Variants in TOP3A observed in about 807,000 individuals in gnomAD.
TOP3A encodes DNA topoisomerase III alpha.
In TOP3A, 64 loss-of-function variants were observed where a neutral mutation model predicts 111.3. That is an observed-to-expected ratio of 0.57 (90% CI 0.47 to 0.71). The LOEUF (loss-of-function observed/expected upper bound fraction) is 0.71, where lower values mean the gene tolerates loss of function less well. Ranked by LOEUF, TOP3A falls within the 30% of genes least tolerant of loss-of-function variation. The pLI is 0.00. For missense variants in TOP3A, 1,104 were observed against 1,285.0 expected, an observed-to-expected ratio of 0.86 and a Z score of 2.15; for synonymous variants, 484 against 485.1, an observed-to-expected ratio of 1.00 and a Z score of 0.03.
chr17:18,296,677 G>A (rs993965879), intron 9 of TOP3A, among the ~76,000 whole-genome samples: 3 of 152,132 alleles, frequency 2.0e-5, no homozygotes, highest in African/African-American at 2.4e-5. Context: ...ACAAAAGAAC[G>A]CACTGACCAC....
intron 1 of TOP3A, among the ~76,000 whole-genome samples, chr17:18,311,333 G>A (rs540975294): frequency 2.0e-5 from 3 of 151,458 alleles, no homozygotes; most frequent in Non-Finnish European, 2.9e-5. Flanking sequence ...TCACTCTGTC[G>A]CCCAGGCTGT....
intron 3 of TOP3A, 189 bp from the exon 4 acceptor site, chr17:18,307,155 A>G (rs1198016753): frequency 2.1e-6 from 1 of 467,074 alleles, no homozygotes; most frequent in Non-Finnish European, 3.8e-6. Context: ...AACAGGACTG[A>G]TAAGATGGCA....
chr17:18,291,502 A>T (rs1980474468), intron 11 of TOP3A, among the ~76,000 whole-genome samples: 1 of 152,232 alleles, frequency 6.6e-6, no homozygotes, highest in African/African-American at 2.4e-5. Context: ...CATATCCAAT[A>T]ATTCCCCTTC....
chr17:18,312,159 C>T (rs959459616), intron 1 of TOP3A: 1 of 152,374 alleles, frequency 6.6e-6, no homozygotes, highest in African/African-American at 2.4e-5. Flanking sequence ...CCTCAGACTA[C>T]CAAACTTAAG....
chr17:18,283,847 A>C (rs1979921147), intron 15 of TOP3A, among the ~76,000 whole-genome samples: 1 of 152,166 alleles, frequency 6.6e-6, no homozygotes, highest in South Asian at 2.1e-4. Context: ...TTACCCGTTA[A>C]TTACAAAGGA....
intron 1 of TOP3A, among the ~76,000 whole-genome samples, chr17:18,310,202 G>A (rs1981827421): frequency 6.6e-6 from 1 of 151,914 alleles, no homozygotes; most frequent in African/African-American, 2.4e-5. Flanking sequence ...TGAGGTGGGC[G>A]GATCATGAGG....
Position 18,285,524 on chromosome 17 carries a change from G to T in TOP3A, c.1598-4C>A, listed in dbSNP as rs1410154291. On this transcript the variant is annotated splice_region_variant and splice_polypyrimidine_tract_variant and intron_variant, in intron 13 of 18. Coordinates refer to ENST00000321105, the MANE Select transcript of TOP3A (RefSeq NM_004618.5). ...TCCGCATGAGTGGCATCCGTACCTG[G>T]AAGCCACTTGCTGGTTACTCTGAGG... 1 of 1,612,940 alleles carries T rather than the reference G, an allele frequency of 6.2e-7. No individual in the cohort carries two copies. Among genetic ancestry groups the T allele is most frequent in the Non-Finnish European group, 8.5e-7 (1 of 1,179,714 alleles).
chr17:18,294,433 G>A (rs1210501092), intron 10 of TOP3A, among the ~76,000 whole-genome samples: 2 of 151,806 alleles, frequency 1.3e-5, no homozygotes, highest in South Asian at 2.1e-4. Context: ...GGGTTCAAAC[G>A]GTTCTCCTGC....
At chr17:18,298,260 C>A (rs1426030840) in intron 9 of TOP3A, among the ~76,000 whole-genome samples, 2 of 148,434 alleles carry the variant, frequency 1.3e-5, no homozygotes, top group Non-Finnish European at 3.0e-5. Flanking sequence ...GAAGCCCCTC[C>A]GCCCAGCAGC....
In TOP3A at chr17:18,301,887, C is replaced by T; in HGVS notation, c.913G>A (p.Glu305Lys). 6.2e-7 allele frequency: 1 copy of T among 1,613,740 alleles called. No homozygotes were observed. The highest frequency in any genetic ancestry group is 8.5e-7 in the Non-Finnish European group (1 of 1,179,730). Residue 305 changes from glutamate (E) to lysine (K), a missense_variant and splice_region_variant, in exon 8 of 19, where the codon GAG becomes AAG. Physicochemically the swap from Glu to Lys is moderately conservative, Grantham distance 56. Coordinates refer to ENST00000321105, the MANE Select transcript of TOP3A (RefSeq NM_004618.5). The part of the protein sequence containing the change: ...ACLVLYQLCV[E>K]DPMATVVEVR... Reference sequence around the variant, plus strand: ...CCTAGATCATTAGGGGTTCTTACCTCCACACACAACTGATAGAGAACTAGG... The same window carrying T: ...CCTAGATCATTAGGGGTTCTTACCTTCACACACAACTGATAGAGAACTAGG...
chr17:18,290,539 C>T lies in TOP3A; in HGVS notation c.1597+18G>A, dbSNP rs1415130002. The T allele has an allele frequency of 1.9e-6, 3 of 1,553,878 alleles. No individual in the cohort carries two copies. Among genetic ancestry groups the T allele is most frequent in the Non-Finnish European group, 2.6e-6 (3 of 1,148,070 alleles). ...GCCTTAGCTCAAGAGATGCGAGTTA[C>T]CCAGAGGAGCCACTGACCAATGCCA... is the stretch of plus-strand genomic sequence containing the variant. On this transcript the variant is annotated intron_variant, in intron 13 of 18. Coordinates refer to ENST00000321105, the MANE Select transcript of TOP3A (RefSeq NM_004618.5).
At position 18,271,858 on chromosome 17, in the gene TOP3A, T is replaced by G; in HGVS notation, c.*2944A>C. The G allele has an allele frequency of 2.5e-6, 1 of 397,284 alleles. No homozygotes were observed. The allele number at this position is 397,284 out of a possible 1,614,324, so 24.6% of individuals were successfully genotyped here. ...CTGGTAGATCACCTGAGGTCACGAG[T>G]TTGAGACCAGCCTGGCCAACATGGT... On this transcript the variant is annotated 3_prime_UTR_variant, in exon 19 of 19. Transcript: ENST00000321105.
At chr17:18,297,594 C>T (rs1419800887) in intron 9 of TOP3A, among the ~76,000 whole-genome samples, 2 of 152,210 alleles carry the variant, frequency 1.3e-5, no homozygotes, top group Non-Finnish European at 2.9e-5. Context: ...GACTGGTTTT[C>T]GTATTTTTTT....
Position 18,274,986 on chromosome 17 carries a change from G to C in TOP3A, c.2828-6C>G. ...GGACGGGGCTCCAGAAGTCCCTGTC[G>C]GGAGAGTCAGGGGAGGGGTGAGGTT... On this transcript the variant is annotated splice_polypyrimidine_tract_variant and splice_region_variant and intron_variant, in intron 18 of 18. Transcript: ENST00000321105. The C allele has an allele frequency of 6.2e-7, 1 of 1,612,716 alleles. No individual in the cohort carries two copies. Among genetic ancestry groups the C allele is most frequent in the African/African-American group, 1.3e-5 (1 of 74,872 alleles).
At chr17:18,278,706 G>A (rs978692838) in intron 17 of TOP3A, among the ~76,000 whole-genome samples, 1 of 152,194 alleles carries the variant, frequency 6.6e-6, no homozygotes, top group African/African-American at 2.4e-5. Context: ...TAGGCCAGGT[G>A]TGGTGGCTCA....
chr17:18,277,925 AG>A lies in TOP3A; in HGVS notation c.2576del (p.Pro859LeufsTer23). On this transcript the variant is annotated frameshift_variant, in exon 18 of 19. Coordinates refer to ENST00000321105, the MANE Select transcript of TOP3A (RefSeq NM_004618.5). LOFTEE classifies it high-confidence loss of function. ...CCAGGGGTCTATATGCCAAGGCAGGAGGCCCTCCTGCTCCCGGATTGGGGCT... is the reference window on the plus strand; with the variant it reads ...CCAGGGGTCTATATGCCAAGGCAGGAGCCCTCCTGCTCCCGGATTGGGGCT... ...ADSPNPGAGG[P>X]PALAYRPLGA... 1 of 1,613,928 alleles carries A rather than the reference AG, an allele frequency of 6.2e-7. No individual in the cohort carries two copies. Among genetic ancestry groups the A allele is most frequent in the Non-Finnish European group, 8.5e-7 (1 of 1,180,020 alleles).
intron 18 of TOP3A, among the ~76,000 whole-genome samples, chr17:18,276,303 A>G (rs1483674375): frequency 3.9e-5 from 6 of 152,080 alleles, no homozygotes; most frequent in African/African-American, 1.4e-4. Flanking sequence ...CCAGCTGCTC[A>G]TTTACCCAGG....
intron 9 of TOP3A, among the ~76,000 whole-genome samples, chr17:18,298,939 C>T (rs1325815848): frequency 8.7e-5 from 13 of 150,142 alleles, no homozygotes. Flanking sequence ...GGTCCTCTGC[C>T]TAGGAAAACC....
Position 18,299,574 on chromosome 17 carries a change from T to C in TOP3A, c.975A>G (p.Gln325=). The change falls in exon 9 of 19, where the codon CAA becomes CAG. Residue 325 remains glutamine, a synonymous_variant. Transcript: ENST00000321105. ...RSKPKSKWRP[Q]ALDTVELEKL... ...TGGAACATACCACAGTGTCCAAGGCTTGAGGCCGCCACTTGCTCTTGGGCT... is the reference window on the plus strand; with the variant it reads ...TGGAACATACCACAGTGTCCAAGGCCTGAGGCCGCCACTTGCTCTTGGGCT... 6.2e-7 allele frequency: 1 copy of C among 1,614,102 alleles called. No individual in the cohort carries two copies. The highest frequency in any genetic ancestry group is 1.3e-5 in the African/African-American group (1 of 75,052).
Sources: gnomAD v4.1 joint callset for allele counts (sites outside exome capture counted in the v4.1 genomes callset) on GRCh38, gnomAD v4.1.1 for gene constraint, MANE v1.5 for transcripts, NCBI Gene and HGNC (gene_info 2026-07-23, HGNC 2026-07-21) for gene names.